PSMD12: variants seen among roughly 807,000 people sequenced by gnomAD.
PSMD12 encodes proteasome 26S subunit, non-ATPase 12, also known as 26S proteasome non-ATPase regulatory subunit 12.
In PSMD12, 8 loss-of-function variants were observed where a neutral mutation model predicts 62.9. The ratio of observed to expected loss-of-function variants is 0.13; its 90% confidence interval spans 0.07 to 0.23. The LOEUF (loss-of-function observed/expected upper bound fraction) is 0.23. PSMD12 is among the 10% of genes least tolerant of loss of function. The probability of loss-of-function intolerance (pLI) is 1.00; values close to 1 mark genes in which losing one functional copy is unlikely to be tolerated. For missense variants in PSMD12, 424 were observed against 550.2 expected (o/e 0.77, Z 2.29); for synonymous variants, 173 against 187.4 (o/e 0.92, Z 0.63).
intron 3 of PSMD12, among the ~76,000 whole-genome samples, chr17:67,350,914 T>C (rs1037216166): frequency 6.6e-6 from 1 of 152,172 alleles, no homozygotes; most frequent in Admixed American, 6.5e-5. Flanking sequence ...AAAGTAGTTA[T>C]TTTAGACTTT....
At chr17:67,358,045 CGGA>C (rs2042093060) in intron 1 of PSMD12, among the ~76,000 whole-genome samples, 1 of 152,064 alleles carries the variant, frequency 6.6e-6, no homozygotes, top group African/African-American at 2.4e-5. Context: ...CCTCAGCCTC[CGGA>C]GCAGGTGGGA....
intron 5 of PSMD12, among the ~76,000 whole-genome samples, chr17:67,348,048 T>G (rs916755734): frequency 2.0e-5 from 3 of 152,230 alleles, no homozygotes; most frequent in Middle Eastern, 3.2e-3. Context: ...GCTGATTTTA[T>G]CTTTTTACTA....
intron 3 of PSMD12, among the ~76,000 whole-genome samples, chr17:67,356,225 T>A (rs2042070015): frequency 6.6e-6 from 1 of 152,028 alleles, no homozygotes; most frequent in African/African-American, 2.4e-5. Context: ...GAAATCTTTA[T>A]CAACATGCAT....
chr17:67,366,510 C>T lies in PSMD12; in HGVS notation c.10G>A (p.Gly4Ser), dbSNP rs1356943866. 1 of 1,606,796 alleles carries T rather than the reference C, an allele frequency of 6.2e-7. No homozygotes were observed. Among genetic ancestry groups the T allele is most frequent in the East Asian group, 2.2e-5 (1 of 44,750 alleles). The stretch of plus-strand genomic sequence containing the variant: ...CGCCCGTCAGCCCGCTCCGAGCCGC[C>T]GTCCGCCATGGTCCCCGCCTGAGCG... MADGGSERADGRIV... is the reference protein window; with the variant it reads MADSGSERADGRIV... Residue 4 changes from glycine (G) to serine (S), a missense_variant, in exon 1 of 11, where the codon GGC (glycine) becomes AGC (serine). By Grantham distance (56) the Gly-to-Ser change is moderately conservative. Transcript: ENST00000356126.
At chr17:67,359,719 T>C (rs2042112194) in intron 1 of PSMD12, among the ~76,000 whole-genome samples, 2 of 152,210 alleles carry the variant, frequency 1.3e-5, no homozygotes, top group South Asian at 4.1e-4. Context: ...CTGAAATATG[T>C]GATTCTTAAC....
In PSMD12 at chr17:67,350,347, A is replaced by G. The variant is rs1299239390; in HGVS notation, c.298-11T>C. 1 of 1,563,496 alleles carries G rather than the reference A, an allele frequency of 6.4e-7. No homozygotes were observed. The highest frequency in any genetic ancestry group is 1.2e-5 in the South Asian group (1 of 85,170). ...CATTTTGGCAACAGCCTAAAATATT[A>G]AAAACCATTCATAAGTAAAATACAT... On this transcript the variant is annotated splice_polypyrimidine_tract_variant and intron_variant, in intron 3 of 10. Transcript: ENST00000356126.
rs962854355 is a variant in PSMD12, at chr17:67,338,762, G to A, written c.*2081C>T. ...AGCTACTTGGGAGGTTGAGGCAGGAGAACTGCTTGAATATGGGAGGCAAAG... is the reference window on the plus strand; with the variant it reads ...AGCTACTTGGGAGGTTGAGGCAGGAAAACTGCTTGAATATGGGAGGCAAAG... On this transcript the variant is annotated 3_prime_UTR_variant, in exon 11 of 11. Transcript: ENST00000356126. 6.6e-6 allele frequency: 1 copy of A among 152,186 alleles called. No homozygotes were observed. Among genetic ancestry groups the A allele is most frequent in the Non-Finnish European group, 1.5e-5 (1 of 68,056 alleles). 9.4% of individuals were successfully genotyped at this position (152,186 alleles called of 1,614,324 possible).
At position 67,357,635 on chromosome 17, in the gene PSMD12, T is replaced by C. The variant is rs938791336; in HGVS notation, c.109-57A>G. 4 of 1,527,446 alleles carry C rather than the reference T, an allele frequency of 2.6e-6. No individual in the cohort carries two copies. The Admixed American group carries it at 6.7e-5, about 26-fold the overall frequency. 94.6% of individuals were successfully genotyped at this position (1,527,446 alleles called of 1,614,324 possible). On this transcript the variant is annotated intron_variant, in intron 1 of 10. Coordinates refer to ENST00000356126, the MANE Select transcript of PSMD12 (RefSeq NM_002816.5). ...AAACACACAAAATGCAAATAACTAG[T>C]CTAAAATGAAATGGTTTTGACACAG...
Position 67,350,329 on chromosome 17 carries a change from G to A in PSMD12, c.305C>T (p.Ala102Val). Residue 102 changes from alanine to valine, a missense_variant, in exon 4 of 11, where the codon GCC (alanine) becomes GTC (valine). Ala to Val is a moderately conservative substitution (Grantham distance 64). Coordinates refer to ENST00000356126, the MANE Select transcript of PSMD12 (RefSeq NM_002816.5). The stretch of plus-strand genomic sequence containing the variant: ...AGTACAGCACTGTTGAACCATTTTG[G>A]CAACAGCCTAAAATATTAAAAACCA... ...KRRSQLKQAV[A>V]KMVQQCCTYV... 6.3e-7 allele frequency: 1 copy of A among 1,596,292 alleles called. No homozygotes were observed. Among genetic ancestry groups the A allele is most frequent in the Admixed American group, 1.8e-5 (1 of 56,442 alleles).
rs72841743 is a variant in PSMD12, at chr17:67,365,691, T to C, written c.108+721A>G. ...TCTTGGAAAGCCCGTTAAACTCTTA[T>C]AGTGCCTACTTGTCTTTACTTCTGT... On this transcript the variant is annotated intron_variant, in intron 1 of 10. Transcript: ENST00000356126. Among the ~76,000 whole-genome samples, 147 of 152,352 alleles carry C rather than the reference T, an allele frequency of 9.6e-4. 1 individual carries two copies. The Middle Eastern group carries it at 0.01, about 11-fold the overall frequency.
chr17:67,345,024 C>G (rs962597216), intron 8 of PSMD12, among the ~76,000 whole-genome samples: 1 of 152,146 alleles, frequency 6.6e-6, no homozygotes, highest in Non-Finnish European at 1.5e-5. Context: ...TCTGAAATAA[C>G]TGAATGTAAA....
intron 1 of PSMD12, among the ~76,000 whole-genome samples, chr17:67,361,933 A>T (rs186378900): frequency 0.011 from 1,374 of 122,276 alleles, 46 homozygotes; most frequent in Admixed American, 0.071. Context: ...GGAGGGAGGG[A>T]GGGAGAGAGA....
intron 1 of PSMD12, chr17:67,361,133 T>A (rs1187916513): frequency 6.6e-6 from 1 of 152,186 alleles, no homozygotes; most frequent in African/African-American, 2.4e-5. Context: ...ATTTTCCTCA[T>A]TAAAATAATC....
chr17:67,353,419 T>G (rs1406934846), intron 3 of PSMD12, among the ~76,000 whole-genome samples: 1 of 151,136 alleles, frequency 6.6e-6, no homozygotes, highest in Non-Finnish European at 1.5e-5. Context: ...GCGATTCTCC[T>G]GCCTCAGACT....
chr17:67,346,386 C>CT (rs2041966860), intron 7 of PSMD12, among the ~76,000 whole-genome samples: 1 of 134,570 alleles, frequency 7.4e-6, no homozygotes, highest in African/African-American at 2.8e-5. Context: ...GAGTGAGACT[C>CT]TGTCTCAAAA....
intron 3 of PSMD12, chr17:67,355,517 T>C (rs940329275): frequency 5.3e-5 from 8 of 152,238 alleles, no homozygotes; most frequent in Admixed American, 3.3e-4. Flanking sequence ...AGAAGCAGTC[T>C]AATTAATAAA....
chr17:67,345,370 A>G (rs746979101), intron 8 of PSMD12, among the ~76,000 whole-genome samples: 9 of 152,222 alleles, frequency 5.9e-5, no homozygotes, highest in Non-Finnish European at 1.2e-4. Context: ...GGCCAGGCGC[A>G]GTGGCTCAAG....
chr17:67,352,297 C>T (rs2042026278), intron 3 of PSMD12, among the ~76,000 whole-genome samples: 1 of 151,978 alleles, frequency 6.6e-6, no homozygotes, highest in Non-Finnish European at 1.5e-5. Context: ...GGGGTCTCAC[C>T]ATCTTCATGC....
intron 9 of PSMD12, among the ~76,000 whole-genome samples, chr17:67,344,126 G>A (rs1014455578): frequency 3.3e-5 from 5 of 152,106 alleles, no homozygotes; most frequent in Non-Finnish European, 5.9e-5. Flanking sequence ...ACAACATAAC[G>A]GCAGTGATAC....
Sources: gnomAD v4.1 joint callset for allele counts (sites outside exome capture counted in the v4.1 genomes callset) on GRCh38, gnomAD v4.1.1 for gene constraint, MANE v1.5 for transcripts, NCBI Gene and HGNC (gene_info 2026-07-23, HGNC 2026-07-21) for gene names.